The following ZNF804B variants were observed in gnomAD, a reference collection of about 807,000 sequenced individuals.
ZNF804B encodes zinc finger protein 804B.
ZNF804B carries 80 observed loss-of-function variants against 101.4 expected under a neutral mutation model. That is an observed-to-expected ratio of 0.79 (90% CI 0.66 to 0.95). The LOEUF is 0.95. ZNF804B is among the 40% of genes least tolerant of loss of function. The probability of loss-of-function intolerance (pLI) is 0.00; values close to 1 mark genes in which losing one functional copy is unlikely to be tolerated. For synonymous variants in ZNF804B, 622 were observed against 558.8 expected, an observed-to-expected ratio of 1.11 and a Z score of -1.59; for missense variants, 1,673 against 1,561.9, an observed-to-expected ratio of 1.07 and a Z score of -1.20.
rs1162121139 is a variant in ZNF804B, at chr7:89,335,290, A to G, written c.2308A>G (p.Thr770Ala). ...CTGCTTCTACTTGTCTGATGATATA[A>G]CAAAGAGCAGCCAAATGCAGTCTGA... The part of the protein sequence containing the change: ...HNCFYLSDDI[T>A]KSSQMQSEPQ... The change falls in exon 4 of 4, where the codon ACA (threonine) becomes GCA (alanine). Residue 770 changes from threonine to alanine, a missense_variant. Coordinates refer to ENST00000333190, the MANE Select transcript of ZNF804B (RefSeq NM_181646.5). 1.2e-6 allele frequency: 2 copies of G among 1,613,634 alleles called. No individual in the cohort carries two copies. The highest frequency in any genetic ancestry group is 8.5e-7 in the Non-Finnish European group (1 of 1,179,946).
At chr7:89,130,286 C>T (rs1481756057) in intron 1 of ZNF804B, among the ~76,000 whole-genome samples, 1 of 151,724 alleles carries the variant, frequency 6.6e-6, no homozygotes, top group African/African-American at 2.4e-5. Flanking sequence ...GGGACTTGCT[C>T]CTGGAGAATG....
At chr7:89,076,008 A>G (rs761581194) in intron 1 of ZNF804B, among the ~76,000 whole-genome samples, 5 of 152,222 alleles carry the variant, frequency 3.3e-5, no homozygotes, top group Non-Finnish European at 7.3e-5. Flanking sequence ...CAGTGCCTGT[A>G]TCACCATTGT....
At chr7:89,198,719 G>A (rs1788589782) in intron 1 of ZNF804B, among the ~76,000 whole-genome samples, 1 of 151,678 alleles carries the variant, frequency 6.6e-6, no homozygotes, top group Admixed American at 6.6e-5. Context: ...GAATACAATA[G>A]AAAATATATA....
In ZNF804B at chr7:88,800,382, G is replaced by A. The variant is rs923832848; in HGVS notation, c.108+40298G>A. On this transcript the variant is annotated intron_variant, in intron 1 of 3. Transcript: ENST00000333190. ...TTGGTAATTACTTATCAAGGAGAGC[G>A]CAGGCTAGGAACATTTAGTTAATTG... 6.5e-4 allele frequency among the ~76,000 whole-genome samples: 99 copies of A among 152,024 alleles called. 1 individual carries two copies. The highest frequency in any genetic ancestry group is 2.2e-3 in the African/African-American group (90 of 41,408).
rs1489924837 is a variant in ZNF804B, at chr7:89,194,306, CTTTAG to C, written c.109-23844_109-23840del. Reference sequence around the variant, plus strand: ...GTATTTCTTTTGCTGTGCAGAAGCTCTTTAGTTTAATTAGATCCCATTTGTCAATT... The same window carrying C: ...GTATTTCTTTTGCTGTGCAGAAGCTCTTTAATTAGATCCCATTTGTCAATT... On this transcript the variant is annotated intron_variant, in intron 1 of 3. Coordinates refer to ENST00000333190, the MANE Select transcript of ZNF804B (RefSeq NM_181646.5). Among the ~76,000 whole-genome samples the C allele has an allele frequency of 3.9e-5, 6 of 152,022 alleles. No individual in the cohort carries two copies. The East Asian group carries it at 9.7e-4, about 24-fold the overall frequency.
intron 1 of ZNF804B, among the ~76,000 whole-genome samples, chr7:88,908,337 T>A (rs528611518): frequency 3.4e-4 from 52 of 151,916 alleles, no homozygotes; most frequent in African/African-American, 1.0e-3. Context: ...CTGTTTTTTT[T>A]AATGAATGAT....
At chr7:89,080,530 A>G (rs1034432386) in intron 1 of ZNF804B, among the ~76,000 whole-genome samples, 2 of 151,880 alleles carry the variant, frequency 1.3e-5, no homozygotes, top group South Asian at 4.1e-4. Context: ...TTCTTCTTCT[A>G]TATTTATATG....
intron 1 of ZNF804B, among the ~76,000 whole-genome samples, chr7:89,170,550 T>C (rs1341410513): frequency 6.6e-6 from 1 of 152,170 alleles, no homozygotes; most frequent in East Asian, 1.9e-4. Context: ...TATTGGACAG[T>C]CTACCCCCTT....
intron 1 of ZNF804B, among the ~76,000 whole-genome samples, chr7:88,999,722 G>T (rs577286188): frequency 1.7e-4 from 26 of 152,064 alleles, no homozygotes; most frequent in African/African-American, 6.3e-4. Context: ...TTTACAAGAA[G>T]CTTATTTAAT....
At chr7:88,981,882 T>C (rs1022766389) in intron 1 of ZNF804B, among the ~76,000 whole-genome samples, 10 of 152,012 alleles carry the variant, frequency 6.6e-5, no homozygotes, top group African/African-American at 2.2e-4. Flanking sequence ...GTGGTGTAGA[T>C]AATGCAACAC....
chr7:88,970,735 G>T (rs547872049), intron 1 of ZNF804B, among the ~76,000 whole-genome samples: 4 of 143,850 alleles, frequency 2.8e-5, no homozygotes, highest in Non-Finnish European at 6.0e-5. Flanking sequence ...ACCAAACACC[G>T]CATGTTCTCA....
intron 1 of ZNF804B, among the ~76,000 whole-genome samples, chr7:89,214,017 A>G (rs1022594230): frequency 2.0e-5 from 3 of 152,204 alleles, no homozygotes; most frequent in African/African-American, 4.8e-5. Context: ...ACTTTAAAAA[A>G]CATACGTGTT....
intron 2 of ZNF804B, among the ~76,000 whole-genome samples, chr7:89,267,474 AT>A (rs1044348639): frequency 5.9e-5 from 9 of 152,010 alleles, no homozygotes; most frequent in Non-Finnish European, 1.3e-4. Context: ...AGATGATAAC[AT>A]TTTTTTCTTT....
At chr7:89,161,937 T>C (rs767902772) in intron 1 of ZNF804B, among the ~76,000 whole-genome samples, 3 of 152,130 alleles carry the variant, frequency 2.0e-5, no homozygotes, top group Non-Finnish European at 4.4e-5. Flanking sequence ...ATATATGATT[T>C]GTCATAAACA....
rs549794716 is a variant in ZNF804B, at chr7:88,932,385, G to T, written c.108+172301G>T. On this transcript the variant is annotated intron_variant, in intron 1 of 3. Transcript: ENST00000333190. ...TAAATCCAAACCCAGCATAAGAAAAGAAATCACAAAGATCAGAGCAAAAAT... is the reference window on the plus strand; with the variant it reads ...TAAATCCAAACCCAGCATAAGAAAATAAATCACAAAGATCAGAGCAAAAAT... 6.6e-5 allele frequency among the ~76,000 whole-genome samples: 10 copies of T among 151,534 alleles called. No individual in the cohort carries two copies. The East Asian group carries it at 9.7e-4, about 15-fold the overall frequency.
intron 1 of ZNF804B, among the ~76,000 whole-genome samples, chr7:88,918,213 G>A (rs916328355): frequency 6.6e-6 from 1 of 152,066 alleles, no homozygotes; most frequent in Non-Finnish European, 1.5e-5. Flanking sequence ...AGTATTCATG[G>A]TTCAATAAAT....
chr7:89,081,218 A>C (rs567407325), intron 1 of ZNF804B, among the ~76,000 whole-genome samples: 5 of 151,878 alleles, frequency 3.3e-5, no homozygotes, highest in Non-Finnish European at 7.4e-5. Context: ...AAACTTATTC[A>C]GTGCCAGGAA....
chr7:89,025,006 C>T (rs568155832), intron 1 of ZNF804B, among the ~76,000 whole-genome samples: 14 of 152,158 alleles, frequency 9.2e-5, no homozygotes, highest in African/African-American at 2.6e-4. Flanking sequence ...GCCGTACAAC[C>T]CACATGACCA....
rs181443818 is a variant in ZNF804B, at chr7:89,169,859, C to T, written c.109-48296C>T. On this transcript the variant is annotated intron_variant, in intron 1 of 3. Transcript: ENST00000333190. ...TGGTGGGAAGTCAAGTGCTCAAGTG[C>T]CCAAGGATGGTATACCTGTCACCTC... Among the ~76,000 whole-genome samples the T allele has an allele frequency of 4.8e-4, 73 of 152,172 alleles. 1 individual carries two copies. The highest frequency in any genetic ancestry group is 1.6e-3 in the African/African-American group (67 of 41,518).
Sources: allele counts gnomAD v4.1 joint callset (sites outside exome capture counted in the v4.1 genomes callset), GRCh38; gene constraint gnomAD v4.1.1; transcripts MANE v1.5; gene names NCBI Gene and HGNC (gene_info 2026-07-23, HGNC 2026-07-21).